Variants in CNTNAP4 observed in about 807,000 individuals in gnomAD.
CNTNAP4 encodes contactin-associated protein-like 4.
Under a neutral mutation model 148.4 loss-of-function variants are expected in CNTNAP4, and 98 were observed. The ratio of observed to expected loss-of-function variants is 0.66; its 90% confidence interval spans 0.56 to 0.78. CNTNAP4 has a LOEUF of 0.78. Among genes scored for constraint, CNTNAP4 ranks in the 30% least tolerant of loss-of-function variants. The pLI is 0.00. For synonymous variants in CNTNAP4, 730 were observed against 565.1 expected, an observed-to-expected ratio of 1.29 and a Z score of -4.14; for missense variants, 1,935 against 1,565.6, an observed-to-expected ratio of 1.24 and a Z score of -3.98.
intron 3 of CNTNAP4, among the ~76,000 whole-genome samples, chr16:76,373,180 A>G (rs2015034879): frequency 6.6e-6 from 1 of 151,770 alleles, no homozygotes; most frequent in African/African-American, 2.4e-5. Context: ...AAATAGGTGA[A>G]TATATTCCAC....
rs2081564996 is a variant in CNTNAP4, at chr16:76,476,058, C to CATCTGCT, written c.1762+14_1762+20dup. The CATCTGCT allele has an allele frequency of 6.4e-7, 1 of 1,563,932 alleles. No homozygotes were observed. The highest frequency in any genetic ancestry group is 1.7e-5 in the Admixed American group (1 of 59,852). On this transcript the variant is annotated intron_variant, in intron 11 of 23. Transcript: ENST00000611870. ...ACTTGCCATAACTGTAAGCGGAACA[C>CATCTGCT]ATCTGCTTTTTCTTGCCCCTGTGAT...
intron 3 of CNTNAP4, among the ~76,000 whole-genome samples, chr16:76,372,694 A>G (rs960114995): frequency 1.3e-5 from 2 of 152,164 alleles, no homozygotes; most frequent in African/African-American, 4.8e-5. Flanking sequence ...CCCCAGCCAC[A>G]TGGAACTAAG....
chr16:76,420,280 A>ATGTATATTCTGTAGAATATATTTT (rs1330005955), intron 3 of CNTNAP4, among the ~76,000 whole-genome samples: 1 of 73,920 alleles, frequency 1.4e-5, no homozygotes, highest in Non-Finnish European at 3.7e-5. Flanking sequence ...ATAGGAGATA[A>ATGTATATTCTGTAGAATATATTTT]ATATTAATTT....
At chr16:76,300,015 G>A (rs1597119376) in intron 1 of CNTNAP4, among the ~76,000 whole-genome samples, 1 of 151,952 alleles carries the variant, frequency 6.6e-6, no homozygotes, top group East Asian at 1.9e-4. Flanking sequence ...GAGTGGGGAG[G>A]GATAGCATTA....
intron 2 of CNTNAP4, among the ~76,000 whole-genome samples, chr16:76,347,363 A>G (rs1370144334): frequency 6.6e-6 from 1 of 152,150 alleles, no homozygotes; most frequent in East Asian, 1.9e-4. Flanking sequence ...TTAAGCACCT[A>G]CTATGTGTCC....
intron 15 of CNTNAP4, among the ~76,000 whole-genome samples, chr16:76,501,675 A>T (rs916811421): frequency 2.0e-5 from 3 of 152,092 alleles, no homozygotes; most frequent in African/African-American, 7.2e-5. Flanking sequence ...CTCCACAGAG[A>T]AGAATTATCT....
chr16:76,447,530 A>G (rs1177050538), intron 4 of CNTNAP4, among the ~76,000 whole-genome samples: 1 of 152,136 alleles, frequency 6.6e-6, no homozygotes, highest in African/African-American at 2.4e-5. Flanking sequence ...GCTGGACTAC[A>G]CAGACAGTCC....
rs67028367 is a variant in CNTNAP4, at chr16:76,382,060, C to CAA, written c.390+26576_390+26577dup. Among the ~76,000 whole-genome samples the CAA allele has an allele frequency of 5.2e-3, 277 of 53,304 alleles. 20 individuals carry two copies. The highest frequency in any genetic ancestry group is 0.015 in the African/African-American group (193 of 13,244). The allele number at this position is 53,304 out of a possible 152,430, so 35.0% of individuals were successfully genotyped here. ...TGGGGGACAGAGCGAGACTCCGTCT[C>CAA]AAAAAAAAAAAAAAAAAAAAAAAAA... On this transcript the variant is annotated intron_variant, in intron 3 of 23. Coordinates refer to ENST00000611870, the MANE Select transcript of CNTNAP4 (RefSeq NM_033401.5).
chr16:76,387,127 G>A (rs1041938964), intron 3 of CNTNAP4, among the ~76,000 whole-genome samples: 3 of 152,136 alleles, frequency 2.0e-5, no homozygotes, highest in Admixed American at 2.0e-4. Context: ...CCACAGAACT[G>A]TAAGATAATA....
At chr16:76,431,145 A>C (rs1302124907) in intron 4 of CNTNAP4, among the ~76,000 whole-genome samples, 3 of 152,164 alleles carry the variant, frequency 2.0e-5, no homozygotes, top group Non-Finnish European at 4.4e-5. Context: ...TTTTGAAACA[A>C]AGTTGCAGAT....
At chr16:76,471,497 C>A (rs1333192457) in intron 10 of CNTNAP4, among the ~76,000 whole-genome samples, 1 of 152,144 alleles carries the variant, frequency 6.6e-6, no homozygotes, top group Non-Finnish European at 1.5e-5. Context: ...TCCTTGCCTC[C>A]AGCCTCTGCA....
chr16:76,351,232 A>G (rs1295538588), intron 2 of CNTNAP4, among the ~76,000 whole-genome samples: 1 of 152,164 alleles, frequency 6.6e-6, no homozygotes, highest in Non-Finnish European at 1.5e-5. Context: ...TTTCTCTGTT[A>G]ACAAAGTAAA....
chr16:76,381,913 G>T (rs1156586719), intron 3 of CNTNAP4, among the ~76,000 whole-genome samples: 1 of 151,942 alleles, frequency 6.6e-6, no homozygotes, highest in African/African-American at 2.4e-5. Flanking sequence ...ACAAAAATTA[G>T]CTGGGCGTGG....
chr16:76,446,152 G>C (rs903541172), intron 4 of CNTNAP4, among the ~76,000 whole-genome samples: 1 of 152,034 alleles, frequency 6.6e-6, no homozygotes. Context: ...AAATTTGCAG[G>C]GTGGTGTGTA....
chr16:76,427,310 A>G, intron 3 of CNTNAP4, 142 bp from the exon 4 acceptor site: 1 of 597,096 alleles, frequency 1.7e-6, no homozygotes, highest in Non-Finnish European at 2.7e-6. Context: ...TCATGACATA[A>G]CTGTTAATGT....
At chr16:76,531,773 G>C (rs746003851) in intron 17 of CNTNAP4, among the ~76,000 whole-genome samples, 3 of 152,112 alleles carry the variant, frequency 2.0e-5, no homozygotes, top group Non-Finnish European at 4.4e-5. Context: ...AAACCTAACA[G>C]TAAAGGAAAA....
At chr16:76,368,870 A>G (rs916629126) in intron 3 of CNTNAP4, among the ~76,000 whole-genome samples, 39 of 152,154 alleles carry the variant, frequency 2.6e-4, no homozygotes, top group Admixed American at 7.2e-4. Context: ...TCCTCAGTTT[A>G]CACTCGCCCC....
At chr16:76,482,641 T>C (rs1308106747) in intron 12 of CNTNAP4, among the ~76,000 whole-genome samples, 1 of 152,156 alleles carries the variant, frequency 6.6e-6, no homozygotes, top group Non-Finnish European at 1.5e-5. Flanking sequence ...TTAACACAAC[T>C]TGGTAGCTTC....
intron 3 of CNTNAP4, among the ~76,000 whole-genome samples, chr16:76,370,349 G>A (rs961727624): frequency 2.0e-5 from 3 of 152,040 alleles, no homozygotes; most frequent in Admixed American, 1.3e-4. Flanking sequence ...CCCCATCAGA[G>A]AAACAAGTTA....
Sources: gnomAD v4.1 joint callset for allele counts (sites outside exome capture counted in the v4.1 genomes callset) on GRCh38, gnomAD v4.1.1 for gene constraint, MANE v1.5 for transcripts, NCBI Gene and HGNC (gene_info 2026-07-23, HGNC 2026-07-21) for gene names.